Variants in TGFBRAP1 observed in about 807,000 individuals in gnomAD.
The protein encoded by TGFBRAP1 is transforming growth factor beta receptor associated protein 1.
A neutral mutation model predicts 83.2 loss-of-function variants in TGFBRAP1; 20 were observed. The ratio of observed to expected loss-of-function variants is 0.24; its 90% CI spans 0.17 to 0.35. TGFBRAP1 has a LOEUF of 0.35. Ranked by LOEUF, TGFBRAP1 falls within the 10% of genes least tolerant of loss-of-function variation. The probability of loss-of-function intolerance (pLI) is 1.00; values close to 1 mark genes in which losing one functional copy is unlikely to be tolerated. For missense variants in TGFBRAP1, 950 were observed against 1,099.4 expected (o/e 0.86, Z 1.92); for synonymous variants, 415 against 459.8 (o/e 0.90, Z 1.25).
the TGFBRAP1 span, among the ~76,000 whole-genome samples, chr2:105,251,933 T>C: frequency 6.7e-6 from 1 of 149,660 alleles, no homozygotes; most frequent in Non-Finnish European, 1.5e-5. Flanking sequence ...GTTAAACAGA[T>C]GCTTGAAGGC....
chr2:105,307,011 A>G (rs1678522152), intron 2 of TGFBRAP1, among the ~76,000 whole-genome samples: 1 of 152,188 alleles, frequency 6.6e-6, no homozygotes, highest in Admixed American at 6.5e-5. Flanking sequence ...TACTAGTAAG[A>G]GAGGGTCCCA....
At chr2:105,263,695 T>C (rs916450115), downstream of TGFBRAP1, among the ~76,000 whole-genome samples, 1 of 152,120 alleles carries the variant, frequency 6.6e-6, no homozygotes, top group Non-Finnish European at 1.5e-5. Flanking sequence ...CTGGCCAACA[T>C]GGTGAAACTC....
intron 5 of TGFBRAP1, among the ~76,000 whole-genome samples, chr2:105,281,013 C>T (rs987128202): frequency 6.6e-6 from 1 of 152,122 alleles, no homozygotes; most frequent in African/African-American, 2.4e-5. Context: ...GAAGAGAATA[C>T]CCAGCTGAGC....
chr2:105,263,779 G>A (rs550000377), downstream of TGFBRAP1, among the ~76,000 whole-genome samples: 173 of 152,142 alleles, frequency 1.1e-3, no homozygotes, highest in African/African-American at 4.0e-3. Context: ...CCAGCTACTC[G>A]GGAGGCTGAG....
At chr2:105,328,804 C>G (rs922871448) in intron 1 of TGFBRAP1, among the ~76,000 whole-genome samples, 8 of 152,206 alleles carry the variant, frequency 5.3e-5, no homozygotes, top group Admixed American at 6.5e-5. Flanking sequence ...CTGTGAGCCC[C>G]CATTTTTAGC....
chr2:105,262,280 A>G (rs1264503034), downstream of TGFBRAP1, among the ~76,000 whole-genome samples: 1 of 152,130 alleles, frequency 6.6e-6, no homozygotes, highest in Non-Finnish European at 1.5e-5. Context: ...ATCCCTCACG[A>G]ATTACCTCCC....
At chr2:105,276,732 T>C (rs1211386561) in intron 7 of TGFBRAP1, among the ~76,000 whole-genome samples, 1 of 152,206 alleles carries the variant, frequency 6.6e-6, no homozygotes, top group Non-Finnish European at 1.5e-5. Flanking sequence ...GACACCCAAA[T>C]CTACTCTTGG....
the TGFBRAP1 span, among the ~76,000 whole-genome samples, chr2:105,253,291 C>A: frequency 7.2e-5 from 11 of 152,232 alleles, no homozygotes; most frequent in Middle Eastern, 3.4e-3. Context: ...TGCCATGACA[C>A]CTGGCTAATT....
chr2:105,326,875 A>T (rs1035104205), intron 1 of TGFBRAP1, among the ~76,000 whole-genome samples: 1 of 152,250 alleles, frequency 6.6e-6, no homozygotes, highest in Non-Finnish European at 1.5e-5. Context: ...ATTTCAAATC[A>T]TCTGCAAGAT....
chr2:105,317,986 T>G (rs1201083362), intron 1 of TGFBRAP1, among the ~76,000 whole-genome samples: 1 of 152,160 alleles, frequency 6.6e-6, no homozygotes, highest in Non-Finnish European at 1.5e-5. Context: ...CATGAGGTGT[T>G]CCTAAGAACA....
intron 5 of TGFBRAP1, among the ~76,000 whole-genome samples, chr2:105,283,521 G>C (rs1219233371): frequency 6.6e-6 from 1 of 152,208 alleles, no homozygotes; most frequent in Admixed American, 6.5e-5. Flanking sequence ...ATCTATTCTG[G>C]AGAGACATTT....
At chr2:105,319,355 C>A (rs966278202) in intron 1 of TGFBRAP1, among the ~76,000 whole-genome samples, 4 of 149,998 alleles carry the variant, frequency 2.7e-5, no homozygotes, top group Non-Finnish European at 5.9e-5. Flanking sequence ...AGCCACTGCG[C>A]CTGGCCAAGA....
At chr2:105,270,072 G>A (rs1428641397) in intron 10 of TGFBRAP1, among the ~76,000 whole-genome samples, 1 of 152,062 alleles carries the variant, frequency 6.6e-6, no homozygotes, top group Non-Finnish European at 1.5e-5. Context: ...ATCCTCCCAG[G>A]ACAGTATCTT....
intron 4 of TGFBRAP1, among the ~76,000 whole-genome samples, chr2:105,294,975 A>G (rs186531333): frequency 2.0e-5 from 3 of 152,148 alleles, no homozygotes; most frequent in Non-Finnish European, 4.4e-5. Flanking sequence ...GGCTGAGAGC[A>G]CATGCGGCAG....
chr2:105,310,200 C>T (rs1185030387), intron 1 of TGFBRAP1, among the ~76,000 whole-genome samples: 2 of 152,158 alleles, frequency 1.3e-5, no homozygotes, highest in African/African-American at 4.8e-5. Context: ...TAAGTGACCT[C>T]ATATAAAATG....
intron 8 of TGFBRAP1, among the ~76,000 whole-genome samples, chr2:105,274,089 T>C (rs891418175): frequency 1.3e-5 from 2 of 152,220 alleles, no homozygotes; most frequent in Admixed American, 1.3e-4. Context: ...CAGAACAGTA[T>C]GTGAAAAGAT....
chr2:105,278,665 G>A (rs1677430815), intron 6 of TGFBRAP1, among the ~76,000 whole-genome samples: 1 of 152,162 alleles, frequency 6.6e-6, no homozygotes, highest in Admixed American at 6.5e-5. Context: ...CTGCAAGGGT[G>A]CCACACTCCT....
the TGFBRAP1 span, among the ~76,000 whole-genome samples, chr2:105,257,993 CATGA>C: frequency 1.3e-5 from 2 of 152,204 alleles, no homozygotes; most frequent in East Asian, 1.9e-4. Flanking sequence ...TAATTGAACA[CATGA>C]ATGAATGAAT....
downstream of TGFBRAP1, among the ~76,000 whole-genome samples, chr2:105,260,558 A>G (rs1202708209): frequency 6.6e-6 from 1 of 152,178 alleles, no homozygotes; most frequent in African/African-American, 2.4e-5. Flanking sequence ...TCATAGAGAT[A>G]GAAAGTAGAA....
Sources: gnomAD v4.1 joint callset for allele counts (sites outside exome capture counted in the v4.1 genomes callset) on GRCh38, gnomAD v4.1.1 for gene constraint, MANE v1.5 for transcripts, NCBI Gene and HGNC (gene_info 2026-07-23, HGNC 2026-07-21) for gene names.